SVOP: variants seen among roughly 807,000 people sequenced by gnomAD.
The protein encoded by SVOP is synaptic vesicle 2-related protein.
A neutral mutation model predicts 69.1 loss-of-function variants in SVOP; 17 were observed. That is an observed-to-expected ratio of 0.25 (90% CI 0.17 to 0.37). The LOEUF is 0.37. SVOP is among the 10% of genes least tolerant of loss of function. The pLI, the probability that SVOP is intolerant of heterozygous loss-of-function variation, is 1.00. For synonymous variants in SVOP, 238 were observed against 238.6 expected (o/e 1.00, Z 0.02); for missense variants, 435 against 597.5 (o/e 0.73, Z 2.84).
chr12:108,946,408 G>T (rs375026347), intron 6 of SVOP, among the ~76,000 whole-genome samples: 117 of 152,008 alleles, frequency 7.7e-4, no homozygotes, highest in African/African-American at 2.3e-3. Context: ...CCCCGCAAAT[G>T]GTATTTTTTA....
chr12:108,919,425 A>G (rs2039735281), intron 13 of SVOP, among the ~76,000 whole-genome samples: 1 of 150,978 alleles, frequency 6.6e-6, no homozygotes, highest in Non-Finnish European at 1.5e-5. Flanking sequence ...CTGGGCCTAT[A>G]CCCACACCTG....
At chr12:108,974,662 C>T (rs1258123721) in intron 4 of SVOP, among the ~76,000 whole-genome samples, 2 of 151,028 alleles carry the variant, frequency 1.3e-5, no homozygotes, top group Admixed American at 6.6e-5. Context: ...ACTTAGAAGG[C>T]GAAGGTTGCA....
intron 1 of SVOP, among the ~76,000 whole-genome samples, chr12:108,994,806 C>T (rs1432957306): frequency 2.0e-5 from 3 of 152,130 alleles, no homozygotes; most frequent in African/African-American, 4.8e-5. Context: ...ATCATTAGGA[C>T]AGGGGTGATT....
At chr12:108,966,160 C>G (rs1365624916) in intron 5 of SVOP, among the ~76,000 whole-genome samples, 1 of 152,138 alleles carries the variant, frequency 6.6e-6, no homozygotes, top group Non-Finnish European at 1.5e-5. Flanking sequence ...GCCATCATGC[C>G]TGGCTACATT....
At chr12:108,960,802 C>G in intron 6 of SVOP, 121 bp downstream of exon 6, 3 of 1,232,092 alleles carry the variant, frequency 2.4e-6, no homozygotes, top group Non-Finnish European at 3.3e-6. Flanking sequence ...CCTGGAAGCC[C>G]TGGTATAGCT....
chr12:108,965,543 C>T (rs2040040243), intron 5 of SVOP, among the ~76,000 whole-genome samples: 1 of 152,100 alleles, frequency 6.6e-6, no homozygotes, highest in Non-Finnish European at 1.5e-5. Flanking sequence ...ACCTGATTTT[C>T]CAAAAAACAC....
intron 11 of SVOP, among the ~76,000 whole-genome samples, chr12:108,933,153 GCACGAGC>G (rs1370733787): frequency 6.6e-6 from 1 of 152,136 alleles, no homozygotes; most frequent in African/African-American, 2.4e-5. Flanking sequence ...GGGACTACAT[GCACGAGC>G]CACCACGCCT....
At chr12:108,995,965 C>CACACACACATACATACAT (rs956926297) in intron 1 of SVOP, among the ~76,000 whole-genome samples, 1 of 151,826 alleles carries the variant, frequency 6.6e-6, no homozygotes, top group Non-Finnish European at 1.5e-5. Context: ...TAAACATACA[C>CACACACACATACATACAT]ACACACACAT....
At chr12:108,941,609 C>A (rs2039891511) in intron 7 of SVOP, among the ~76,000 whole-genome samples, 1 of 152,102 alleles carries the variant, frequency 6.6e-6, no homozygotes, top group Non-Finnish European at 1.5e-5. Flanking sequence ...GCACAAACAT[C>A]ACCACTCCCC....
Position 108,922,805 on chromosome 12 carries a change from T to A in SVOP, c.1049-8A>T. 6.3e-7 allele frequency: 1 copy of A among 1,593,060 alleles called. No individual in the cohort carries two copies. The highest frequency in any genetic ancestry group is 8.6e-7 in the Non-Finnish European group (1 of 1,168,282). ...CCTTCTTCCGACTGGAGACTGGGGT[T>A]GGGAGAGAGAAAGAGAGGGGGAGAC... is the stretch of plus-strand genomic sequence containing the variant. On this transcript the variant is annotated splice_polypyrimidine_tract_variant and splice_region_variant and intron_variant, in intron 11 of 15. Coordinates refer to ENST00000610966, the MANE Select transcript of SVOP (RefSeq NM_018711.5).
intron 11 of SVOP, among the ~76,000 whole-genome samples, chr12:108,925,335 C>T (rs1020985754): frequency 2.0e-5 from 3 of 152,186 alleles, no homozygotes; most frequent in East Asian, 3.9e-4. Context: ...GGGGGAGGTT[C>T]GGTTCAGTAA....
intron 1 of SVOP, among the ~76,000 whole-genome samples, chr12:108,993,327 GGGAAAAAAAA>G (rs1209488555): frequency 6.7e-6 from 1 of 150,258 alleles, no homozygotes; most frequent in Non-Finnish European, 1.5e-5. Context: ...CATTTCTAAG[GGGAAAAAAAA>G]GGTTAAAATG....
At chr12:108,986,885 T>C (rs2040168765) in intron 1 of SVOP, among the ~76,000 whole-genome samples, 1 of 152,320 alleles carries the variant, frequency 6.6e-6, no homozygotes, top group South Asian at 2.1e-4. Flanking sequence ...ATAGTCACTC[T>C]GAGCCTCAGT....
intron 8 of SVOP, among the ~76,000 whole-genome samples, chr12:108,939,460 T>G (rs2039878065): frequency 6.6e-6 from 1 of 152,144 alleles, no homozygotes; most frequent in Non-Finnish European, 1.5e-5. Flanking sequence ...TCAGAAAGAT[T>G]TTTAGGCCAA....
intron 9 of SVOP, among the ~76,000 whole-genome samples, chr12:108,938,241 G>C (rs2039867859): frequency 6.6e-6 from 1 of 152,168 alleles, no homozygotes; most frequent in Non-Finnish European, 1.5e-5. Context: ...TCTTCAATCG[G>C]CTTGGATGGT....
chr12:109,005,011 T>A (rs572130393), intron 1 of SVOP, among the ~76,000 whole-genome samples: 1 of 152,212 alleles, frequency 6.6e-6, no homozygotes, highest in Non-Finnish European at 1.5e-5. Context: ...GTGCTGGGAT[T>A]ACAGGTGTGA....
intron 1 of SVOP, among the ~76,000 whole-genome samples, chr12:109,000,002 C>T (rs1453203688): frequency 6.7e-6 from 1 of 150,032 alleles, no homozygotes; most frequent in Non-Finnish European, 1.5e-5. Context: ...AAAAACCCTT[C>T]AAAAAATTAA....
chr12:108,930,649 G>C (rs982591092), intron 11 of SVOP, among the ~76,000 whole-genome samples: 33 of 152,134 alleles, frequency 2.2e-4, no homozygotes, highest in African/African-American at 7.2e-4. Context: ...TGGCCAGGCT[G>C]GTCCTGAACT....
intron 5 of SVOP, 85 bp downstream of exon 5, chr12:108,972,320 T>G: frequency 7.6e-7 from 1 of 1,320,620 alleles, no homozygotes; most frequent in Non-Finnish European, 1.1e-6. Context: ...TCCCAACTGC[T>G]AATGCAGAAC....
Sources: allele counts gnomAD v4.1 joint callset (sites outside exome capture counted in the v4.1 genomes callset), GRCh38; gene constraint gnomAD v4.1.1; transcripts MANE v1.5; gene names NCBI Gene and HGNC (gene_info 2026-07-23, HGNC 2026-07-21).